Variants in CNBD1 observed in about 807,000 individuals in gnomAD.
CNBD1 encodes cyclic nucleotide-binding domain-containing protein 1.
A neutral mutation model predicts 54.4 loss-of-function variants in CNBD1; 71 were observed. The observed-to-expected ratio is 1.30, with a 90% CI of 1.08 to 1.59. CNBD1 has a LOEUF of 1.59. Ranked by LOEUF, CNBD1 falls within the 40% of genes most tolerant of loss-of-function variation. The probability of loss-of-function intolerance (pLI) is 0.00; values close to 1 mark genes in which losing one functional copy is unlikely to be tolerated. For missense variants in CNBD1, 659 were observed against 518.0 expected, an observed-to-expected ratio of 1.27 and a Z score of -2.64; for synonymous variants, 182 against 170.7, an observed-to-expected ratio of 1.07 and a Z score of -0.51.
intron 4 of CNBD1, among the ~76,000 whole-genome samples, chr8:87,055,431 A>C (rs1810393545): frequency 6.6e-6 from 1 of 151,450 alleles, no homozygotes; most frequent in Admixed American, 6.6e-5. Context: ...GCTTTAGGTA[A>C]GTCCCCCCCT....
chr8:86,883,361 T>A (rs1181748144), intron 1 of CNBD1, among the ~76,000 whole-genome samples: 1 of 152,138 alleles, frequency 6.6e-6, no homozygotes, highest in African/African-American at 2.4e-5. Flanking sequence ...TGAATATTAG[T>A]GGAGCACTGG....
intron 6 of CNBD1, among the ~76,000 whole-genome samples, chr8:87,264,239 C>A (rs1198940895): frequency 6.6e-6 from 1 of 151,530 alleles, no homozygotes; most frequent in Non-Finnish European, 1.5e-5. Context: ...TGAGTGAGAA[C>A]ATGTGGTGTT....
intron 8 of CNBD1, among the ~76,000 whole-genome samples, chr8:87,315,783 G>A (rs1054667244): frequency 2.6e-5 from 4 of 151,948 alleles, no homozygotes; most frequent in Non-Finnish European, 4.4e-5. Context: ...ATATCTCAGC[G>A]TTTGATAGCA....
At chr8:87,374,216 T>A (rs952871592) in intron 10 of CNBD1, among the ~76,000 whole-genome samples, 1 of 151,800 alleles carries the variant, frequency 6.6e-6, no homozygotes, top group East Asian at 1.9e-4. Flanking sequence ...ATTGTGAATA[T>A]TTACCGTGCA....
chr8:87,073,945 C>CA (rs1810811478), intron 4 of CNBD1, among the ~76,000 whole-genome samples: 1 of 151,780 alleles, frequency 6.6e-6, no homozygotes, highest in East Asian at 1.9e-4. Context: ...ACTAAAAACA[C>CA]AAAAAAATTA....
chr8:87,334,968 C>A (rs1809914013), intron 8 of CNBD1, among the ~76,000 whole-genome samples: 1 of 152,056 alleles, frequency 6.6e-6, no homozygotes, highest in Admixed American at 6.6e-5. Flanking sequence ...TCATGATCCA[C>A]CCACCTCGGC....
At chr8:87,391,556 A>G (rs1215131016) in intron 2 of CNBD1, among the ~76,000 whole-genome samples, 2 of 151,766 alleles carry the variant, frequency 1.3e-5, no homozygotes, top group African/African-American at 4.9e-5. Flanking sequence ...TTTTATGCCT[A>G]GTTGATTTTT....
chr8:87,344,159 T>G (rs1309783958), intron 8 of CNBD1, among the ~76,000 whole-genome samples: 1 of 152,058 alleles, frequency 6.6e-6, no homozygotes, highest in Non-Finnish European at 1.5e-5. Context: ...AATCAAGTTA[T>G]TTAACCCAAC....
chr8:87,395,932 C>G (rs985417307), intron 2 of CNBD1, among the ~76,000 whole-genome samples: 1 of 151,950 alleles, frequency 6.6e-6, no homozygotes, highest in African/African-American at 2.4e-5. Flanking sequence ...TCCTTACTGC[C>G]GCCATGTGAA....
rs978372704 is a variant in CNBD1 at position 87,099,065 on chromosome 8, A to AAAAAAAAAAAAC, written c.432-106928_432-106927insAAAAAAAAAAAC. On this transcript the variant is annotated intron_variant, in intron 4 of 10. Coordinates refer to ENST00000518476, the MANE Select transcript of CNBD1 (RefSeq NM_173538.3). ...AAAAAAAAAAAAAAAAAAAAACAAA[A>AAAAAAAAAAAAC]CTCCAAATTTTGACCCTTATGCTTA... 6.8e-4 allele frequency among the ~76,000 whole-genome samples: 98 copies of AAAAAAAAAAAAC among 144,060 alleles called. 1 individual carries two copies. The highest frequency in any genetic ancestry group is 2.6e-3 in the African/African-American group (93 of 36,022). 94.5% of individuals were successfully genotyped at this position (144,060 alleles called of 152,430 possible).
At chr8:86,987,785 G>A (rs1361988896) in intron 4 of CNBD1, among the ~76,000 whole-genome samples, 1 of 152,010 alleles carries the variant, frequency 6.6e-6, no homozygotes, top group East Asian at 1.9e-4. Flanking sequence ...TGTTTATGTT[G>A]TGAATCACAT....
chr8:87,303,262 C>G lies in CNBD1; in HGVS notation c.1042+16591C>G, dbSNP rs571325778. Among the ~76,000 whole-genome samples, 634 of 151,740 alleles carry G rather than the reference C, an allele frequency of 4.2e-3. 8 individuals are homozygous for G. The highest frequency in any genetic ancestry group is 0.04 in the South Asian group (193 of 4,804). On this transcript the variant is annotated intron_variant, in intron 8 of 10. Coordinates refer to ENST00000518476, the MANE Select transcript of CNBD1 (RefSeq NM_173538.3). ...TACTACAAGGCTACAGTAACCAAAACAGCATGGTACTGGTACCAAAACAGA... is the reference window on the plus strand; with the variant it reads ...TACTACAAGGCTACAGTAACCAAAAGAGCATGGTACTGGTACCAAAACAGA...
chr8:86,932,353 A>C (rs1809471278), intron 3 of CNBD1, among the ~76,000 whole-genome samples: 1 of 151,992 alleles, frequency 6.6e-6, no homozygotes. Flanking sequence ...AGGGGACATA[A>C]CCGATAGCCC....
chr8:87,283,362 A>G (rs1027854874), intron 6 of CNBD1, among the ~76,000 whole-genome samples: 7 of 151,622 alleles, frequency 4.6e-5, no homozygotes, highest in South Asian at 2.1e-4. Context: ...ACTTCCCTTT[A>G]TAGGGTTTTA....
In CNBD1 at chr8:87,352,121, T is replaced by G. The variant is rs577207111; in HGVS notation, c.1152+327T>G. Among the ~76,000 whole-genome samples, 4 of 152,286 alleles carry G rather than the reference T, an allele frequency of 2.6e-5. No individual in the cohort carries two copies. The South Asian group carries it at 6.2e-4, about 24-fold the overall frequency. On this transcript the variant is annotated intron_variant, in intron 9 of 10. Transcript: ENST00000518476. The stretch of plus-strand genomic sequence containing the variant: ...GATTGGCTAAGATGCACTTAATCAT[T>G]TGACCTAATTCCACTCCAGATAGTT...
chr8:87,244,520 T>G (rs1807762283), intron 6 of CNBD1, among the ~76,000 whole-genome samples: 1 of 152,158 alleles, frequency 6.6e-6, no homozygotes, highest in South Asian at 2.1e-4. Flanking sequence ...TGTTTAACAA[T>G]ATCGTCCTCC....
chr8:87,272,896 A>G (rs1808396241), intron 6 of CNBD1, among the ~76,000 whole-genome samples: 1 of 151,974 alleles, frequency 6.6e-6, no homozygotes, highest in African/African-American at 2.4e-5. Context: ...ATTTCACATT[A>G]TAACACAGAA....
At chr8:86,953,832 A>C (rs1343383738) in intron 4 of CNBD1, among the ~76,000 whole-genome samples, 1 of 152,112 alleles carries the variant, frequency 6.6e-6, no homozygotes, top group African/African-American at 2.4e-5. Flanking sequence ...GTGCTACTGC[A>C]CTCCAGCCTA....
At chr8:86,910,364 G>A (rs1178378059) in intron 3 of CNBD1, among the ~76,000 whole-genome samples, 2 of 152,108 alleles carry the variant, frequency 1.3e-5, no homozygotes, top group African/African-American at 4.8e-5. Flanking sequence ...ATGGTTACCA[G>A]GAACTTTGAA....
Sources: gnomAD v4.1 joint callset for allele counts (sites outside exome capture counted in the v4.1 genomes callset) on GRCh38, gnomAD v4.1.1 for gene constraint, MANE v1.5 for transcripts, NCBI Gene and HGNC (gene_info 2026-07-23, HGNC 2026-07-21) for gene names.